Variants in KAZN observed in about 807,000 individuals in gnomAD.
KAZN encodes kazrin.
KAZN carries 40 observed loss-of-function variants against 87.4 expected under a neutral mutation model. That is an observed-to-expected ratio of 0.46 (90% CI 0.36 to 0.60). The LOEUF is 0.60. Ranked by LOEUF, KAZN falls within the 20% of genes least tolerant of loss-of-function variation. The probability of loss-of-function intolerance (pLI) is 0.00; values close to 1 mark genes in which losing one functional copy is unlikely to be tolerated. For missense variants in KAZN, 898 were observed against 1,073.9 expected, an observed-to-expected ratio of 0.84 and a Z score of 2.29; for synonymous variants, 466 against 458.3, an observed-to-expected ratio of 1.02 and a Z score of -0.22.
intron 1 of KAZN, among the ~76,000 whole-genome samples, chr1:13,993,867 T>C (rs1405054076): frequency 6.6e-6 from 1 of 152,232 alleles, no homozygotes; most frequent in Admixed American, 6.5e-5. Context: ...TATGTACAAA[T>C]GACTTTTTAA....
intron 1 of KAZN, among the ~76,000 whole-genome samples, chr1:14,754,951 G>A (rs1285568999): frequency 1.3e-5 from 2 of 152,000 alleles, no homozygotes; most frequent in Admixed American, 6.6e-5. Flanking sequence ...AGTGAAACAA[G>A]TCTCGCATGA....
intron 1 of KAZN, among the ~76,000 whole-genome samples, chr1:14,883,143 A>G (rs1190164881): frequency 6.6e-6 from 1 of 151,586 alleles, no homozygotes; most frequent in Admixed American, 6.6e-5. Flanking sequence ...TAAAAATACA[A>G]AATTAGCTGG....
intron 1 of KAZN, among the ~76,000 whole-genome samples, chr1:14,898,324 T>A (rs754760809): frequency 5.9e-5 from 9 of 152,116 alleles, no homozygotes. Context: ...GAAACAGAAC[T>A]GTCAAACTCT....
chr1:14,282,976 A>T (rs1041400147), intron 2 of KAZN, among the ~76,000 whole-genome samples: 3 of 152,222 alleles, frequency 2.0e-5, no homozygotes, highest in Non-Finnish European at 4.4e-5. Context: ...GCCCTTGTCG[A>T]GAATGAGGTC....
At chr1:14,571,057 C>A (rs1674834124) in intron 2 of KAZN, among the ~76,000 whole-genome samples, 1 of 152,162 alleles carries the variant, frequency 6.6e-6, no homozygotes, top group Admixed American at 6.5e-5. Flanking sequence ...CCGACCTCAA[C>A]GGAATGACCT....
At chr1:14,754,414 C>T (rs1644500395) in intron 1 of KAZN, among the ~76,000 whole-genome samples, 1 of 150,764 alleles carries the variant, frequency 6.6e-6, no homozygotes, top group South Asian at 2.1e-4. Flanking sequence ...AGGTGGATCC[C>T]CTGAGGTCAG....
chr1:13,898,091 T>C (rs1639111628), intron 1 of KAZN, among the ~76,000 whole-genome samples: 2 of 152,214 alleles, frequency 1.3e-5, no homozygotes, highest in Non-Finnish European at 2.9e-5. Flanking sequence ...GGGTATCTGC[T>C]GATATCGTAA....
chr1:15,050,059 G>A (rs12755981), intron 4 of KAZN, among the ~76,000 whole-genome samples: 2,528 of 75,126 alleles, frequency 0.034, 52 homozygotes, highest in East Asian at 0.13. Flanking sequence ...GGTAGGGTAG[G>A]GTAGGGTAGA....
At chr1:14,333,792 G>C (rs1412038442) in intron 2 of KAZN, among the ~76,000 whole-genome samples, 1 of 152,114 alleles carries the variant, frequency 6.6e-6, no homozygotes, top group African/African-American at 2.4e-5. Flanking sequence ...TTTGAACAGA[G>C]ATTTGAAGAG....
At chr1:14,859,685 C>G (rs1452806481) in intron 1 of KAZN, among the ~76,000 whole-genome samples, 1 of 152,190 alleles carries the variant, frequency 6.6e-6, no homozygotes, top group Non-Finnish European at 1.5e-5. Flanking sequence ...CCTTATCTGT[C>G]AATGTCTTTT....
intron 5 of KAZN, 42 bp from the exon 6 acceptor site, chr1:15,060,130 G>C: frequency 6.2e-7 from 1 of 1,611,458 alleles, no homozygotes; most frequent in Non-Finnish European, 8.5e-7. Flanking sequence ...AGGCGAGGAC[G>C]TTCTCTCCAT....
chr1:15,089,732 CAAAAAAAAAAA>C (rs56260619), intron 8 of KAZN, among the ~76,000 whole-genome samples: 8,641 of 69,456 alleles, frequency 0.12, 343 homozygotes, highest in Non-Finnish European at 0.16. Flanking sequence ...CTTTTATTGG[CAAAAAAAAAAA>C]AAAAAAAAAA....
At chr1:15,111,042 G>C (rs898934421) in intron 13 of KAZN, among the ~76,000 whole-genome samples, 2 of 152,204 alleles carry the variant, frequency 1.3e-5, no homozygotes, top group African/African-American at 2.4e-5. Context: ...AGGTGGAGCA[G>C]AGGGGCCATT....
intron 1 of KAZN, among the ~76,000 whole-genome samples, chr1:14,606,105 C>G (rs1256999781): frequency 6.6e-6 from 1 of 152,218 alleles, no homozygotes; most frequent in Admixed American, 6.5e-5. Context: ...AGCTCTGGCT[C>G]TAGAGTCTGT....
intron 1 of KAZN, among the ~76,000 whole-genome samples, chr1:14,623,890 C>A (rs1257118215): frequency 2.0e-5 from 3 of 152,016 alleles, no homozygotes; most frequent in Non-Finnish European, 4.4e-5. Context: ...CCCTTGTGGT[C>A]AAAACATATA....
chr1:14,946,005 G>A, intron 1 of KAZN: 1 of 678,886 alleles, frequency 1.5e-6, no homozygotes, highest in Non-Finnish European at 1.8e-6. Context: ...TCAGGCATTG[G>A]CACAGCAGCC....
At chr1:14,928,404 G>C (rs1045040368) in intron 1 of KAZN, among the ~76,000 whole-genome samples, 3 of 151,060 alleles carry the variant, frequency 2.0e-5, no homozygotes, top group Admixed American at 2.0e-4. Context: ...AACCGAGATC[G>C]TGCCACTGCA....
chr1:14,316,769 CAT>C (rs781122170), intron 2 of KAZN, among the ~76,000 whole-genome samples: 3 of 151,910 alleles, frequency 2.0e-5, no homozygotes, highest in Non-Finnish European at 2.9e-5. Context: ...TAATTTCACA[CAT>C]GATTTGTTTT....
intron 2 of KAZN, among the ~76,000 whole-genome samples, chr1:14,237,665 A>G (rs981895621): frequency 6.6e-6 from 1 of 152,302 alleles, no homozygotes; most frequent in Non-Finnish European, 1.5e-5. Flanking sequence ...CAAGCAGATT[A>G]TTGACGCAGC....
Sources: gnomAD v4.1 joint callset for allele counts (sites outside exome capture counted in the v4.1 genomes callset) on GRCh38, gnomAD v4.1.1 for gene constraint, MANE v1.5 for transcripts, NCBI Gene and HGNC (gene_info 2026-07-23, HGNC 2026-07-21) for gene names.